RBPJ: variants seen among roughly 807,000 people sequenced by gnomAD.
The protein encoded by RBPJ is recombining binding protein suppressor of hairless.
A neutral mutation model predicts 67.8 loss-of-function variants in RBPJ; 9 were observed. The ratio of observed to expected loss-of-function variants is 0.13; its 90% CI spans 0.08 to 0.23. RBPJ has a LOEUF of 0.23. Ranked by LOEUF, RBPJ falls within the 10% of genes least tolerant of loss-of-function variation. RBPJ has a pLI of 1.00. For synonymous variants in RBPJ, 198 were observed against 203.3 expected, an observed-to-expected ratio of 0.97 and a Z score of 0.22; for missense variants, 305 against 595.6, an observed-to-expected ratio of 0.51 and a Z score of 5.08.
chr4:26,362,265 G>A (rs943384614), intron 1 of RBPJ, among the ~76,000 whole-genome samples: 12 of 152,152 alleles, frequency 7.9e-5, no homozygotes, highest in African/African-American at 2.4e-4. Context: ...GAAAGATCTC[G>A]ATAAAGCAAG....
intron 2 of RBPJ, among the ~76,000 whole-genome samples, chr4:26,405,649 A>G (rs1489112006): frequency 6.6e-6 from 1 of 152,154 alleles, no homozygotes; most frequent in Non-Finnish European, 1.5e-5. Context: ...TATGTGAACT[A>G]TAGGCCTTTC....
In RBPJ at chr4:26,433,784, G is replaced by T. The variant is rs1736439680; in HGVS notation, c.*2777G>T. On this transcript the variant is annotated 3_prime_UTR_variant, in exon 11 of 11. Transcript: ENST00000355476. ...TTCATGGTTTTGTGAATCATTTTCA[G>T]TATGTAATTTATAGGAACCTTGTCC... The T allele has an allele frequency of 6.6e-6, 1 of 152,080 alleles. No individual in the cohort carries two copies. The highest frequency in any genetic ancestry group is 6.6e-5 in the Admixed American group (1 of 15,262). The allele number at this position is 152,080 out of a possible 1,614,324, so 9.4% of individuals were successfully genotyped here.
At chr4:26,112,363 T>G in the RBPJ span, 1 of 157,228 alleles carries the variant, frequency 6.4e-6, no homozygotes, top group Non-Finnish European at 1.4e-5. Flanking sequence ...CCTGATGCAT[T>G]TAATGTACGT....
chr4:26,157,336 A>C, the RBPJ span, among the ~76,000 whole-genome samples: 2 of 152,098 alleles, frequency 1.3e-5, no homozygotes. Flanking sequence ...GGGATGCTGA[A>C]GCAGAAGGAT....
Position 26,210,770 on chromosome 4 carries a change from T to TCTTTCTTTCTTC in RBPJ, c.-167+47167_-167+47168insCCTTTCTTTCTT, listed in dbSNP as rs1560212267. On this transcript the variant is annotated intron_variant, in intron 1 of 4. Coordinates refer to the RBPJ transcript ENST00000512351. ...TTCTTTCCTTCTTTCTTTCTTTCTT[T>TCTTTCTTTCTTC]CTTTCTTTCTTTCTTTCTTTCTTTC... is the stretch of plus-strand genomic sequence containing the variant. Among the ~76,000 whole-genome samples the TCTTTCTTTCTTC allele has an allele frequency of 5.8e-4, 81 of 139,328 alleles. 3 individuals are homozygous for TCTTTCTTTCTTC. Among genetic ancestry groups the TCTTTCTTTCTTC allele is most frequent in the African/African-American group, 2.0e-3 (73 of 36,978 alleles). The allele number at this position is 139,328 out of a possible 152,430, so 91.4% of individuals were successfully genotyped here. A position where few individuals can be genotyped will look rare whatever the true frequency, so the allele number is the denominator to read the frequency against.
chr4:26,333,742 T>C (rs1178231096), intron 1 of RBPJ, among the ~76,000 whole-genome samples: 1 of 152,014 alleles, frequency 6.6e-6, no homozygotes, highest in African/African-American at 2.4e-5. Context: ...CAGGCTGGAA[T>C]ACAGTGGCAA....
chr4:26,284,704 A>G (rs1201509480), intron 1 of RBPJ, among the ~76,000 whole-genome samples: 1 of 151,612 alleles, frequency 6.6e-6, no homozygotes, highest in Admixed American at 6.6e-5. Flanking sequence ...CCTGACCTCA[A>G]ATTCGTCCAC....
chr4:26,172,245 T>C (rs1577433658), intron 1 of RBPJ, among the ~76,000 whole-genome samples: 1 of 151,954 alleles, frequency 6.6e-6, no homozygotes, highest in African/African-American at 2.4e-5. Flanking sequence ...GCTGCCGCCA[T>C]CCGCCTGGCC....
At chr4:26,361,281 G>A (rs913610510) in intron 1 of RBPJ, among the ~76,000 whole-genome samples, 1 of 152,074 alleles carries the variant, frequency 6.6e-6, no homozygotes, top group Non-Finnish European at 1.5e-5. Flanking sequence ...TAATTCTGTC[G>A]CCATTATCAG....
At chr4:26,360,757 T>G (rs10025236) in intron 1 of RBPJ, among the ~76,000 whole-genome samples, 77 of 151,200 alleles carry the variant, frequency 5.1e-4, no homozygotes, top group African/African-American at 1.5e-3. Flanking sequence ...AATGTTTGGG[T>G]TTTTTTTATT....
chr4:26,281,219 T>G (rs1721263153), intron 1 of RBPJ, among the ~76,000 whole-genome samples: 1 of 152,192 alleles, frequency 6.6e-6, no homozygotes, highest in Non-Finnish European at 1.5e-5. Flanking sequence ...TCTAAAAATC[T>G]TATTTAAATT....
rs751964900 is a variant in RBPJ, at chr4:26,430,092, C to T, written c.1044+39C>T. 3.7e-6 allele frequency: 6 copies of T among 1,601,166 alleles called. No homozygotes were observed. The South Asian group carries it at 6.6e-5, about 18-fold the overall frequency. ...GTCCAAGTTGGCCTTCAGCTCTTTG[C>T]AGCTACTCTCAGCTGTGACCTGGCA... On this transcript the variant is annotated intron_variant, in intron 9 of 10. Coordinates refer to ENST00000355476, the MANE Select transcript of RBPJ (RefSeq NM_015874.6). The surrounding 1 kb of genome is among the most constrained non-coding windows in gnomAD (Gnocchi z 4.1).
intron 1 of RBPJ, among the ~76,000 whole-genome samples, chr4:26,372,885 C>T (rs757951541): frequency 1.3e-5 from 2 of 152,166 alleles, no homozygotes; most frequent in Non-Finnish European, 2.9e-5. Flanking sequence ...TCATGGCCTC[C>T]TGTGAGGCTT....
intron 2 of RBPJ, among the ~76,000 whole-genome samples, chr4:26,402,661 G>A (rs1262444605): frequency 6.6e-6 from 1 of 152,112 alleles, no homozygotes; most frequent in East Asian, 1.9e-4. Context: ...ACCTGAGGCT[G>A]GTTTCAGTTC....
intron 1 of RBPJ, among the ~76,000 whole-genome samples, chr4:26,277,424 C>T (rs2109271297): frequency 6.6e-6 from 1 of 152,362 alleles, no homozygotes; most frequent in South Asian, 2.1e-4. Context: ...GCTCCTCACC[C>T]CCACCAGATA....
chr4:26,108,244 C>T, the RBPJ span, among the ~76,000 whole-genome samples: 14 of 152,224 alleles, frequency 9.2e-5, no homozygotes, highest in African/African-American at 2.2e-4. Context: ...AGGGCTCAGA[C>T]GGAAGTGACA....
At chr4:26,321,385 T>C (rs1723040739) in intron 1 of RBPJ, 1 of 152,014 alleles carries the variant, frequency 6.6e-6, no homozygotes, top group African/African-American at 2.4e-5. Flanking sequence ...TGCATCTTTG[T>C]TCCTCGCGGC....
chr4:26,277,755 A>G (rs1393416757), intron 1 of RBPJ, among the ~76,000 whole-genome samples: 2 of 152,228 alleles, frequency 1.3e-5, no homozygotes, highest in Admixed American at 6.5e-5. Context: ...AAATTTTTTC[A>G]TGAGAGAAAT....
At chr4:26,414,107 A>G (rs562302621) in intron 3 of RBPJ, among the ~76,000 whole-genome samples, 134 of 152,302 alleles carry the variant, frequency 8.8e-4, no homozygotes, top group Non-Finnish European at 1.7e-3. Flanking sequence ...GAGAATGACA[A>G]TGGAGGCTGT....
Sources: allele counts gnomAD v4.1 joint callset (sites outside exome capture counted in the v4.1 genomes callset), GRCh38; gene constraint gnomAD v4.1.1; non-coding constraint Gnocchi (gnomAD v3.1); transcripts MANE v1.5; gene names NCBI Gene and HGNC (gene_info 2026-07-23, HGNC 2026-07-21).